Variants in ZNF705G observed in about 807,000 individuals in gnomAD.
The protein encoded by ZNF705G is putative zinc finger protein 705G.
A neutral mutation model predicts 19.6 loss-of-function variants in ZNF705G; 23 were observed. The observed-to-expected ratio is 1.17, with a 90% CI of 0.84 to 1.66. The LOEUF is 1.66. ZNF705G is among the 40% of genes most tolerant of loss of function. The pLI, the probability that ZNF705G is intolerant of heterozygous loss-of-function variation, is 0.00. For missense variants in ZNF705G, 457 were observed against 354.4 expected, an observed-to-expected ratio of 1.29 and a Z score of -2.32; for synonymous variants, 146 against 117.7, an observed-to-expected ratio of 1.24 and a Z score of -1.56.
Position 7,358,220 on chromosome 8 carries a change from T to C in ZNF705G, c.659A>G (p.Lys220Arg). The stretch of plus-strand genomic sequence containing the variant: ...ATATGGTCTCTGTCCCGTGTGAGTT[T>C]TCTCGTGTCTTCTAAGGTGAGAACA... ...TQCSHLRRHE[K>R]THTGQRPYKC... is the part of the protein sequence containing the mutation. Residue 220 changes from lysine to arginine, a missense_variant, in exon 7 of 7, where the codon AAA becomes AGA. Physicochemically the swap from Lys to Arg is conservative, Grantham distance 26 (BLOSUM62 2). Transcript: ENST00000400156. 1.2e-6 allele frequency: 2 copies of C among 1,607,626 alleles called. No homozygotes were observed. Among genetic ancestry groups the C allele is most frequent in the Non-Finnish European group, 1.7e-6 (2 of 1,179,616 alleles).
In ZNF705G at chr8:7,355,910, G is replaced by A. The variant is rs1489977059; in HGVS notation, c.*2066C>T. ...CTCACACTTGACATAAACCCTGGCT[G>A]CAGAGTAAAATCAATCACTTGTAGA... On this transcript the variant is annotated 3_prime_UTR_variant, in exon 7 of 7. Coordinates refer to ENST00000400156, the MANE Select transcript of ZNF705G (RefSeq NM_001164457.3). 1 of 149,656 alleles carries A rather than the reference G, an allele frequency of 6.7e-6. No homozygotes were observed. 9.3% of individuals were successfully genotyped at this position (149,656 alleles called of 1,614,324 possible). A position where few individuals can be genotyped will look rare whatever the true frequency, so the allele number is the denominator to read the frequency against.
Position 7,364,346 on chromosome 8 carries a change from T to G in ZNF705G, c.-71-1329A>C, listed in dbSNP as rs577908321. ...CATAAACAAAAAATTTACTGACCCA[T>G]TTGTACATGAAGTCCAGGAAAAATA... On this transcript the variant is annotated intron_variant, in intron 2 of 6. Transcript: ENST00000400156. Among the ~76,000 whole-genome samples the G allele has an allele frequency of 4.7e-5, 7 of 149,780 alleles. No individual in the cohort carries two copies. The South Asian group carries it at 1.5e-3, about 31-fold the overall frequency.
At chr8:7,359,798 C>A (rs552782794) in intron 5 of ZNF705G, 97 bp from the exon 6 acceptor site, 26 of 1,560,450 alleles carry the variant, frequency 1.7e-5, no homozygotes, top group South Asian at 9.1e-5. Context: ...AAAATTGACA[C>A]GTAGATGTGG....
At chr8:7,369,926 T>C (rs145763100) in intron 2 of ZNF705G, among the ~76,000 whole-genome samples, 4 of 149,110 alleles carry the variant, frequency 2.7e-5, no homozygotes, top group Non-Finnish European at 5.9e-5. Flanking sequence ...TGAAAAACTA[T>C]CTATTGGGTA....
intron 6 of ZNF705G, among the ~76,000 whole-genome samples, chr8:7,359,349 C>A (rs1195742848): frequency 2.7e-5 from 4 of 149,730 alleles, no homozygotes; most frequent in South Asian, 2.1e-4. Context: ...TCAACTGCAG[C>A]GTTATTGCAT....
intron 2 of ZNF705G, among the ~76,000 whole-genome samples, chr8:7,369,916 T>G (rs1219343246): frequency 1.1e-4 from 16 of 149,314 alleles, no homozygotes; most frequent in Admixed American, 3.9e-4. Flanking sequence ...GACAAAGGCC[T>G]GAAAAACTAT....
chr8:7,360,406 G>A (rs1349366937), intron 4 of ZNF705G, 74 bp from the exon 5 acceptor site: 3 of 1,577,566 alleles, frequency 1.9e-6, no homozygotes, highest in Non-Finnish European at 2.6e-6. Context: ...TGTAATGCAG[G>A]CTATCAAGGA....
Position 7,375,118 on chromosome 8 carries a change from T to C in ZNF705G, c.-72+6334A>G, listed in dbSNP as rs1237643428. On this transcript the variant is annotated intron_variant, in intron 2 of 6. Transcript: ENST00000400156. ...TTGTGTGATATTGAGGTTTGGGGTA[T>C]GAATAACTCTGTCACGCAGGTAGGG... 2.1e-5 allele frequency among the ~76,000 whole-genome samples: 2 copies of C among 94,432 alleles called. 1 individual carries two copies. The highest frequency in any genetic ancestry group is 4.2e-5 in the Non-Finnish European group (2 of 48,152). 62.0% of individuals were successfully genotyped at this position (94,432 alleles called of 152,430 possible).
rs1273280799 is a variant in ZNF705G at position 7,366,876 on chromosome 8, A to G, written c.-71-3859T>C. On this transcript the variant is annotated intron_variant, in intron 2 of 6. Coordinates refer to ENST00000400156, the MANE Select transcript of ZNF705G (RefSeq NM_001164457.3). The stretch of plus-strand genomic sequence containing the variant: ...AAATTCTCTATATCTGCATTGTCCA[A>G]TGCAGTAACTACCACACATATGTAG... Among the ~76,000 whole-genome samples, 5 of 149,832 alleles carry G rather than the reference A, an allele frequency of 3.3e-5. No individual in the cohort carries two copies. In the South Asian group the frequency reaches 8.3e-4, roughly 25 times the overall value.
intron 1 of ZNF705G, among the ~76,000 whole-genome samples, chr8:7,383,968 C>A (rs1240966188): frequency 1.4e-5 from 2 of 141,026 alleles, no homozygotes; most frequent in African/African-American, 3.0e-5. Flanking sequence ...GGGATGCATA[C>A]CTTTCGACCT....
intron 2 of ZNF705G, among the ~76,000 whole-genome samples, chr8:7,369,122 C>T (rs1356081497): frequency 2.0e-5 from 3 of 149,506 alleles, no homozygotes; most frequent in African/African-American, 7.7e-5. Context: ...GACTTATTCA[C>T]TACCACGAGA....
Position 7,379,064 on chromosome 8 carries a change from T to C in ZNF705G, c.-72+2388A>G, listed in dbSNP as rs548246832. On this transcript the variant is annotated intron_variant, in intron 2 of 6. Coordinates refer to ENST00000400156, the MANE Select transcript of ZNF705G (RefSeq NM_001164457.3). ...CTCATTCATAGAGTTTTCTTTTTTG[T>C]GTAAAGTAGTGGGGGGCCTCCCCTT... Among the ~76,000 whole-genome samples, 12 of 149,008 alleles carry C rather than the reference T, an allele frequency of 8.1e-5. 1 individual carries two copies. The South Asian group carries it at 2.5e-3, about 31-fold the overall frequency.
intron 1 of ZNF705G, among the ~76,000 whole-genome samples, chr8:7,383,125 ATTT>A (rs5889203): frequency 8.5e-3 from 1,044 of 123,540 alleles, no homozygotes; most frequent in African/African-American, 0.018. Context: ...TCAATGTTTG[ATTT>A]TTTTTTTTTT....
Position 7,365,375 on chromosome 8 carries a change from ATTTTTTTTTTT to A in ZNF705G, c.-71-2369_-71-2359del, listed in dbSNP as rs71253679. ...TATCTCCCTCCAGATGTCTCTCTCT[ATTTTTTTTTTT>A]TTTTTTTTTTTGGCGGAGTATCACT... On this transcript the variant is annotated intron_variant, in intron 2 of 6. Coordinates refer to ENST00000400156, the MANE Select transcript of ZNF705G (RefSeq NM_001164457.3). Among the ~76,000 whole-genome samples the A allele has an allele frequency of 5.4e-5, 6 of 112,044 alleles. 1 individual carries two copies. The highest frequency in any genetic ancestry group is 2.5e-4 in the African/African-American group (6 of 24,384). 73.5% of individuals were successfully genotyped at this position (112,044 alleles called of 152,430 possible).
Position 7,361,003 on chromosome 8 carries a change from G to C in ZNF705G, c.139+107C>G, listed in dbSNP as rs867023389. 2.2e-5 allele frequency: 35 copies of C among 1,572,664 alleles called. 2 individuals are homozygous for C. The highest frequency in any genetic ancestry group is 9.0e-5 in the East Asian group (4 of 44,612). ...CCTTTTTCAGATGAGATCTGTGAGAGAATCAGAGAAGAGATTAGAGTGAGA... is the reference window on the plus strand; with the variant it reads ...CCTTTTTCAGATGAGATCTGTGAGACAATCAGAGAAGAGATTAGAGTGAGA... On this transcript the variant is annotated intron_variant, in intron 4 of 6. Transcript: ENST00000400156.
chr8:7,370,412 G>A (rs1446581464), intron 2 of ZNF705G, among the ~76,000 whole-genome samples: 2 of 149,700 alleles, frequency 1.3e-5, no homozygotes, highest in African/African-American at 5.1e-5. Context: ...AATATCACCT[G>A]ATAGAATAGC....
chr8:7,368,200 G>C (rs1413269940), intron 2 of ZNF705G, among the ~76,000 whole-genome samples: 2 of 149,544 alleles, frequency 1.3e-5, no homozygotes, highest in African/African-American at 2.6e-5. Flanking sequence ...GACACTCCCT[G>C]TTCAATCTGA....
intron 2 of ZNF705G, chr8:7,377,190 A>AACACACACACACACACAC: frequency 3.5e-5 from 1 of 28,310 alleles, no homozygotes; most frequent in Admixed American, 4.5e-4. Flanking sequence ...GAAATCAAAT[A>AACACACACACACACACAC]ACACACACAC....
chr8:7,379,308 C>T (rs2719535), intron 2 of ZNF705G, among the ~76,000 whole-genome samples: 3 of 147,554 alleles, frequency 2.0e-5, no homozygotes, highest in African/African-American at 8.1e-5. Flanking sequence ...TCAGTGCACT[C>T]TTGAAACTGC....
Sources: allele counts gnomAD v4.1 joint callset (sites outside exome capture counted in the v4.1 genomes callset), GRCh38; gene constraint gnomAD v4.1.1; transcripts MANE v1.5; gene names NCBI Gene and HGNC (gene_info 2026-07-23, HGNC 2026-07-21).